Variants in FMO5 observed in about 807,000 individuals in gnomAD.
The protein encoded by FMO5 is flavin-containing monooxygenase 5.
In FMO5, 51 loss-of-function variants were observed where a neutral mutation model predicts 43.6. The ratio of observed to expected loss-of-function variants is 1.17; its 90% CI spans 0.93 to 1.48. FMO5 has a LOEUF of 1.48. FMO5 is among the 40% of genes most tolerant of loss of function. The probability of loss-of-function intolerance (pLI) is 0.00; values close to 1 mark genes in which losing one functional copy is unlikely to be tolerated. For missense variants in FMO5, 644 were observed against 643.0 expected (o/e 1.00, Z -0.02); for synonymous variants, 187 against 216.5 (o/e 0.86, Z 1.20).
chr1:147,219,945 TCTC>T (rs1256837708), intron 2 of FMO5, among the ~76,000 whole-genome samples: 1 of 151,012 alleles, frequency 6.6e-6, no homozygotes, highest in Non-Finnish European at 1.5e-5. Flanking sequence ...TGCAAGCAAT[TCTC>T]CTGCCTCAGC....
Position 147,212,925 on chromosome 1 carries a change from A to C in FMO5, c.487+383T>G, listed in dbSNP as rs587749161. 3.6e-4 allele frequency among the ~76,000 whole-genome samples: 55 copies of C among 152,196 alleles called. 1 individual carries two copies. The highest frequency in any genetic ancestry group is 1.2e-3 in the African/African-American group (51 of 41,538). On this transcript the variant is annotated intron_variant, in intron 4 of 8. Coordinates refer to ENST00000254090, the MANE Select transcript of FMO5 (RefSeq NM_001461.4). ...ATAGAGTGCTTTTTTTTTTAAAATGAAAATCCAGGCCAAAGACTGAAATTC... is the reference window on the plus strand; with the variant it reads ...ATAGAGTGCTTTTTTTTTTAAAATGCAAATCCAGGCCAAAGACTGAAATTC...
Position 147,203,511 on chromosome 1 carries a change from T to C in FMO5, c.831-2007A>G, listed in dbSNP as rs117217583. The stretch of plus-strand genomic sequence containing the variant: ...CAACATTTTTATTTCCTTCTTGAGG[T>C]ACTGCATAAAGTTTAGAGATTACTT... On this transcript the variant is annotated intron_variant, in intron 6 of 8. Coordinates refer to ENST00000254090, the MANE Select transcript of FMO5 (RefSeq NM_001461.4). 445 of 867,704 alleles carry C rather than the reference T, an allele frequency of 5.1e-4. 1 individual carries two copies. The highest frequency in any genetic ancestry group is 7.5e-4 in the Non-Finnish European group (373 of 497,670). The allele number at this position is 867,704 out of a possible 1,614,324, so 53.8% of individuals were successfully genotyped here. A position where few individuals can be genotyped will look rare whatever the true frequency, so the allele number is the denominator to read the frequency against.
chr1:147,196,335 T>C (rs1657988206), intron 7 of FMO5, among the ~76,000 whole-genome samples: 1 of 152,132 alleles, frequency 6.6e-6, no homozygotes, highest in Non-Finnish European at 1.5e-5. Flanking sequence ...CATTTAAGCT[T>C]AATCATAGGT....
chr1:147,187,053 C>G lies in FMO5; in HGVS notation c.1449G>C (p.Gly483=), dbSNP rs371249645. Reference sequence around the variant, plus strand: ...CTGTGGTGAGGATAGCTTTTCGAGCCCCATCCCACTTTCCAGGGCCCTGTA... The same window carrying G: ...CTGTGGTGAGGATAGCTTTTCGAGCGCCATCCCACTTTCCAGGGCCCTGTA... ...YRVQGPGKWD[G]ARKAILTTDD... The change falls in exon 9 of 9, where the codon GGG becomes GGC. Residue 483 remains glycine (G), a synonymous_variant. Transcript: ENST00000254090. The G allele has an allele frequency of 8.6e-5, 139 of 1,613,966 alleles. No individual in the cohort carries two copies. The highest frequency in any genetic ancestry group is 1.2e-4 in the Non-Finnish European group (139 of 1,180,026).
At chr1:147,203,975 TC>T in intron 6 of FMO5, 1 of 1,214,796 alleles carries the variant, frequency 8.2e-7, no homozygotes, top group Non-Finnish European at 1.2e-6. Flanking sequence ...TCTTCGGACA[TC>T]CCATTTTGAG....
intron 7 of FMO5, among the ~76,000 whole-genome samples, chr1:147,198,478 C>A (rs1435000465): frequency 6.6e-6 from 1 of 152,090 alleles, no homozygotes; most frequent in African/African-American, 2.4e-5. Context: ...TACAAGGGTA[C>A]CTGCTGTGTT....
chr1:147,187,205 T>C lies in FMO5; in HGVS notation c.1297A>G (p.Ile433Val), dbSNP rs781844490. Residue 433 changes from isoleucine (I) to valine (V), a missense_variant, in exon 9 of 9, where the codon ATA (isoleucine) becomes GTA (valine). Coordinates refer to ENST00000254090, the MANE Select transcript of FMO5 (RefSeq NM_001461.4). The stretch of plus-strand genomic sequence containing the variant: ...TCAGCAAGCTCTTCCATGGTATCTA[T>C]GTAGTCTCCCTGAATGGTATGGCGT... ...SQRHTIQGDY[I>V]DTMEELADLV... 1 of 1,613,924 alleles carries C rather than the reference T, an allele frequency of 6.2e-7. No individual in the cohort carries two copies. The highest frequency in any genetic ancestry group is 1.3e-5 in the African/African-American group (1 of 75,042).
At chr1:147,209,112 C>A in intron 5 of FMO5, 61 bp from the exon 6 acceptor site, 1 of 1,440,096 alleles carries the variant, frequency 6.9e-7, no homozygotes, top group East Asian at 2.4e-5. Context: ...TCAAAAGCAC[C>A]CCCATTTTCT....
At chr1:147,206,008 A>G (rs1270728759) in intron 6 of FMO5, among the ~76,000 whole-genome samples, 3 of 151,876 alleles carry the variant, frequency 2.0e-5, no homozygotes, top group South Asian at 2.1e-4. Flanking sequence ...AATTTTTGCA[A>G]TCTACTCATC....
chr1:147,198,238 C>T (rs1658345977), intron 7 of FMO5, among the ~76,000 whole-genome samples: 1 of 152,110 alleles, frequency 6.6e-6, no homozygotes, highest in South Asian at 2.1e-4. Flanking sequence ...TAATTTACCT[C>T]AAGGCTAAAC....
At chr1:147,211,043 G>A (rs781792364) in intron 5 of FMO5, 11 of 152,174 alleles carry the variant, frequency 7.2e-5, no homozygotes, top group Non-Finnish European at 1.5e-4. Context: ...TAAAAAGTTA[G>A]AACTCAGCAA....
chr1:147,189,964 T>C (rs1553918085), intron 8 of FMO5, among the ~76,000 whole-genome samples: 1 of 152,196 alleles, frequency 6.6e-6, no homozygotes, highest in Non-Finnish European at 1.5e-5. Context: ...CATATGATTT[T>C]AGACACCTAA....
Position 147,204,975 on chromosome 1 carries a change from C to T in FMO5, c.831-3471G>A, listed in dbSNP as rs140848291. On this transcript the variant is annotated intron_variant, in intron 6 of 8. Transcript: ENST00000254090. The stretch of plus-strand genomic sequence containing the variant: ...CCGTTCACGTGACCGCTCAGAAGAC[C>T]GCGGAGGAACCAAAGGTTTTCATGC... 2.1e-5 allele frequency: 25 copies of T among 1,165,616 alleles called. No individual in the cohort carries two copies. In the African/African-American group the frequency reaches 3.0e-4, roughly 14 times the overall value. The allele number at this position is 1,165,616 out of a possible 1,614,324, so 72.2% of individuals were successfully genotyped here. A position where few individuals can be genotyped will look rare whatever the true frequency, so the allele number is the denominator to read the frequency against.
intron 5 of FMO5, 23 bp downstream of exon 5, chr1:147,212,370 A>C: frequency 6.2e-7 from 1 of 1,613,084 alleles, no homozygotes; most frequent in Non-Finnish European, 8.5e-7. Context: ...AAGCAACGTA[A>C]ATAATAATTG....
chr1:147,220,810 C>T (rs1662871214), intron 2 of FMO5, among the ~76,000 whole-genome samples: 1 of 151,834 alleles, frequency 6.6e-6, no homozygotes, highest in Admixed American at 6.6e-5. Context: ...ATATGTACCC[C>T]CGAACCTAAA....
intron 6 of FMO5, 28 bp downstream of exon 6, chr1:147,208,824 T>G (rs1181861734): frequency 1.9e-6 from 3 of 1,591,022 alleles, no homozygotes; most frequent in Non-Finnish European, 2.6e-6. Context: ...TTGGCCACTA[T>G]CCCTGCACTC....
At chr1:147,204,708 T>A (rs72708598) in intron 6 of FMO5, 44,761 of 1,533,192 alleles carry the variant, frequency 0.029, 1,033 homozygotes, top group South Asian at 0.088. Flanking sequence ...GTACTTCTAG[T>A]TCTCTTAAAA....
rs191360336 is a variant in FMO5, at chr1:147,188,699, C to A, written c.1257-1454G>T. ...ATATGTAAAAAACCTGCACGTTGTA[C>A]ACATGTACCCTAGAACTTAAATATA... On this transcript the variant is annotated intron_variant, in intron 8 of 8. Coordinates refer to ENST00000254090, the MANE Select transcript of FMO5 (RefSeq NM_001461.4). Among the ~76,000 whole-genome samples the A allele has an allele frequency of 1.1e-3, 165 of 150,360 alleles. 1 individual carries two copies. The highest frequency in any genetic ancestry group is 3.7e-3 in the African/African-American group (153 of 40,964).
intron 7 of FMO5, among the ~76,000 whole-genome samples, chr1:147,191,282 TAGTTTAC>T (rs1346976532): frequency 1.3e-5 from 2 of 151,786 alleles, no homozygotes; most frequent in African/African-American, 4.9e-5. Context: ...ATGGTTGAAC[TAGTTTAC>T]AGTCCCACCA....
Sources: gnomAD v4.1 joint callset for allele counts (sites outside exome capture counted in the v4.1 genomes callset) on GRCh38, gnomAD v4.1.1 for gene constraint, MANE v1.5 for transcripts, NCBI Gene and HGNC (gene_info 2026-07-23, HGNC 2026-07-21) for gene names.